Variants in RELN observed in about 807,000 individuals in gnomAD.
The protein encoded by RELN is reelin.
RELN carries 108 observed loss-of-function variants against 427.6 expected under a neutral mutation model. The observed-to-expected ratio is 0.25, with a 90% CI of 0.22 to 0.30. The LOEUF (loss-of-function observed/expected upper bound fraction) is 0.30, where lower values mean the gene tolerates loss of function less well. RELN is among the 10% of genes least tolerant of loss of function. The pLI, the probability that RELN is intolerant of heterozygous loss-of-function variation, is 1.00. For synonymous variants in RELN, 1,524 were observed against 1,513.4 expected (o/e 1.01, Z -0.16); for missense variants, 3,715 against 4,302.8 (o/e 0.86, Z 3.82).
chr7:103,612,772 G>A lies in RELN; in HGVS notation c.2703-969C>T, dbSNP rs868669780. Among the ~76,000 whole-genome samples, 13 of 152,158 alleles carry A rather than the reference G, an allele frequency of 8.5e-5. No homozygotes were observed. In the South Asian group the frequency reaches 1.9e-3, roughly 22 times the overall value. The stretch of plus-strand genomic sequence containing the variant: ...CTCAAATCAGTAAAATTCACGTCAC[G>A]GGTCCCAATTAAGTACTACATAATT... On this transcript the variant is annotated intron_variant, in intron 20 of 64. Transcript: ENST00000428762.
At chr7:103,811,817 C>T (rs1792750128) in intron 3 of RELN, among the ~76,000 whole-genome samples, 1 of 152,144 alleles carries the variant, frequency 6.6e-6, no homozygotes, top group Admixed American at 6.6e-5. Flanking sequence ...TAAAAATCGA[C>T]CCCCAAAACA....
intron 2 of RELN, among the ~76,000 whole-genome samples, chr7:103,842,025 T>C (rs1220035180): frequency 6.6e-6 from 1 of 152,126 alleles, no homozygotes; most frequent in Non-Finnish European, 1.5e-5. Context: ...GTGAAAAATA[T>C]AACCCCATAT....
At chr7:103,602,798 T>C (rs1034565259) in intron 24 of RELN, among the ~76,000 whole-genome samples, 4 of 152,124 alleles carry the variant, frequency 2.6e-5, no homozygotes, top group African/African-American at 4.8e-5. Flanking sequence ...ACCTGCACGT[T>C]CTGCACATGT....
intron 2 of RELN, among the ~76,000 whole-genome samples, chr7:103,881,006 T>C (rs1400859030): frequency 2.0e-5 from 3 of 152,168 alleles, no homozygotes; most frequent in African/African-American, 4.8e-5. Flanking sequence ...TTTCTTACCA[T>C]TTATCAGTTA....
intron 4 of RELN, among the ~76,000 whole-genome samples, chr7:103,761,261 T>C (rs913600582): frequency 1.3e-5 from 2 of 152,268 alleles, no homozygotes; most frequent in South Asian, 2.1e-4. Context: ...TTTATTCCAA[T>C]AGGAGCTATA....
Position 103,893,645 on chromosome 7 carries a change from G to A in RELN, c.337+23430C>T, listed in dbSNP as rs551962979. On this transcript the variant is annotated intron_variant, in intron 2 of 64. Coordinates refer to ENST00000428762, the MANE Select transcript of RELN (RefSeq NM_005045.4). ...AGTGTTGGAGAGACCTTTTAAAGCAGTGAGTACTTTTCGAACTTCTTTTAA... is the reference window on the plus strand; with the variant it reads ...AGTGTTGGAGAGACCTTTTAAAGCAATGAGTACTTTTCGAACTTCTTTTAA... Among the ~76,000 whole-genome samples, 4 of 152,266 alleles carry A rather than the reference G, an allele frequency of 2.6e-5. 1 individual carries two copies. Among genetic ancestry groups the A allele is most frequent in the African/African-American group, 9.6e-5 (4 of 41,564 alleles).
chr7:103,979,930 G>A (rs992271291), intron 1 of RELN, among the ~76,000 whole-genome samples: 3 of 152,158 alleles, frequency 2.0e-5, no homozygotes, highest in Admixed American at 6.5e-5. Flanking sequence ...GGGAGGCCGA[G>A]GTGGGCTGAT....
chr7:103,666,249 C>T (rs1432057968), intron 11 of RELN, among the ~76,000 whole-genome samples: 2 of 151,548 alleles, frequency 1.3e-5, no homozygotes, highest in African/African-American at 2.4e-5. Flanking sequence ...TTGTATTTTT[C>T]CTTTTAGAGA....
chr7:103,690,677 T>C lies in RELN; in HGVS notation c.1143+7176A>G, dbSNP rs573823117. ...TGATACTGAGTGAGTTTCAGGCACC[T>C]TCCTTTGCTGAGTGCATGAGCTGCT... is the stretch of plus-strand genomic sequence containing the variant. On this transcript the variant is annotated intron_variant, in intron 10 of 64. Transcript: ENST00000428762. Among the ~76,000 whole-genome samples, 5 of 152,278 alleles carry C rather than the reference T, an allele frequency of 3.3e-5. No homozygotes were observed. The South Asian group carries it at 1.0e-3, about 32-fold the overall frequency.
At chr7:103,837,225 A>G (rs1051219834) in intron 2 of RELN, among the ~76,000 whole-genome samples, 3 of 152,150 alleles carry the variant, frequency 2.0e-5, no homozygotes, top group Non-Finnish European at 2.9e-5. Context: ...TGTTCCATCA[A>G]AATGATTTCT....
chr7:103,982,536 A>G (rs1394315518), intron 1 of RELN, among the ~76,000 whole-genome samples: 1 of 152,204 alleles, frequency 6.6e-6, no homozygotes, highest in African/African-American at 2.4e-5. Flanking sequence ...GAAAAAGAAC[A>G]AAGTGGTGAA....
chr7:103,737,236 C>T (rs1039294481), intron 6 of RELN, among the ~76,000 whole-genome samples: 1 of 152,178 alleles, frequency 6.6e-6, no homozygotes, highest in African/African-American at 2.4e-5. Flanking sequence ...TAGCCACTTG[C>T]TGTTGAGAAA....
chr7:103,472,641 T>C lies in RELN; in HGVS notation c.*171A>G, dbSNP rs952728057. On this transcript the variant is annotated 3_prime_UTR_variant, in exon 65 of 65. Transcript: ENST00000428762. ...TACTTATGAGCAAATAAGTCACTTG[T>C]CATTAGTTCACAGTGTGGGAAAGTG... is the stretch of plus-strand genomic sequence containing the variant. 1.1e-5 allele frequency: 7 copies of C among 618,770 alleles called. No homozygotes were observed. Among genetic ancestry groups the C allele is most frequent in the Non-Finnish European group, 1.8e-5 (6 of 342,506 alleles). 38.3% of individuals were successfully genotyped at this position (618,770 alleles called of 1,614,324 possible).
At chr7:103,656,621 T>C (rs1218406121) in intron 12 of RELN, among the ~76,000 whole-genome samples, 1 of 152,094 alleles carries the variant, frequency 6.6e-6, no homozygotes, top group Non-Finnish European at 1.5e-5. Context: ...TATGTTTGAG[T>C]CATTTGTGAG....
intron 24 of RELN, among the ~76,000 whole-genome samples, chr7:103,599,151 G>A (rs950493550): frequency 6.6e-6 from 1 of 152,144 alleles, no homozygotes; most frequent in Non-Finnish European, 1.5e-5. Context: ...TTCCATTAAA[G>A]TCTTTCTAAA....
At chr7:103,610,926 A>G in intron 21 of RELN, 119 bp from the exon 22 acceptor site, 1 of 709,110 alleles carries the variant, frequency 1.4e-6, no homozygotes. Flanking sequence ...AATCTTAACT[A>G]TTTGTGATAT....
chr7:103,852,274 C>G (rs1793840652), intron 2 of RELN, among the ~76,000 whole-genome samples: 1 of 99,364 alleles, frequency 1.0e-5, no homozygotes, highest in East Asian at 3.2e-4. Context: ...TTCATACCCT[C>G]AAACAGAACA....
rs568482395 is a variant in RELN, at chr7:103,761,190, C to T, written c.545-7976G>A. On this transcript the variant is annotated intron_variant, in intron 4 of 64. Coordinates refer to ENST00000428762, the MANE Select transcript of RELN (RefSeq NM_005045.4). ...TATTCTAATATAAACGAAATAGGAA[C>T]AAAATGAAAATATATCTTTATAACC... Among the ~76,000 whole-genome samples, 31 of 152,176 alleles carry T rather than the reference C, an allele frequency of 2.0e-4. No homozygotes were observed. The East Asian group carries it at 3.5e-3, about 17-fold the overall frequency.
intron 1 of RELN, among the ~76,000 whole-genome samples, chr7:103,917,551 C>CTTTT (rs11412775): frequency 5.5e-5 from 8 of 146,352 alleles, no homozygotes; most frequent in African/African-American, 7.5e-5. Flanking sequence ...TGATAAAATG[C>CTTTT]TTTTTTTTTT....
Sources: gnomAD v4.1 joint callset for allele counts (sites outside exome capture counted in the v4.1 genomes callset) on GRCh38, gnomAD v4.1.1 for gene constraint, MANE v1.5 for transcripts, NCBI Gene and HGNC (gene_info 2026-07-23, HGNC 2026-07-21) for gene names.